Variants in CSMD1 observed in about 807,000 individuals in gnomAD.
CSMD1 encodes CUB and Sushi multiple domains 1, also known as CUB and sushi domain-containing protein 1.
CSMD1 carries 213 observed loss-of-function variants against 417.5 expected under a neutral mutation model. That is an observed-to-expected ratio of 0.51 (90% confidence interval 0.46 to 0.57). CSMD1 has a LOEUF of 0.57. Among genes scored for constraint, CSMD1 ranks in the 20% least tolerant of loss-of-function variants. The pLI is 0.00. For synonymous variants in CSMD1, 2,862 were observed against 1,736.8 expected, an observed-to-expected ratio of 1.65 and a Z score of -16.11; for missense variants, 6,923 against 4,529.7, an observed-to-expected ratio of 1.53 and a Z score of -15.17.
At chr8:3,313,049 A>T (rs1805474249) in intron 23 of CSMD1, among the ~76,000 whole-genome samples, 1 of 152,244 alleles carries the variant, frequency 6.6e-6, no homozygotes, top group African/African-American at 2.4e-5. Context: ...TTCTGAAATG[A>T]CAACATAAAA....
At chr8:4,177,028 G>A (rs182184856) in intron 3 of CSMD1, among the ~76,000 whole-genome samples, 1 of 152,034 alleles carries the variant, frequency 6.6e-6, no homozygotes, top group Non-Finnish European at 1.5e-5. Context: ...CAACGAGACA[G>A]AAAGTCAACA....
intron 40 of CSMD1, among the ~76,000 whole-genome samples, chr8:3,149,019 C>G (rs964465935): frequency 3.3e-5 from 5 of 152,142 alleles, no homozygotes; most frequent in Non-Finnish European, 5.9e-5. Flanking sequence ...AACCCTCAGG[C>G]TATGCAATAT....
At chr8:4,791,838 C>A (rs535296175) in intron 1 of CSMD1, among the ~76,000 whole-genome samples, 1 of 152,064 alleles carries the variant, frequency 6.6e-6, no homozygotes, top group African/African-American at 2.4e-5. Context: ...AAAATTCCAA[C>A]AGATATACTT....
chr8:4,312,401 A>G lies in CSMD1; in HGVS notation c.415+107552T>C, dbSNP rs1380435692. On this transcript the variant is annotated intron_variant, in intron 3 of 69. Coordinates refer to ENST00000635120, the MANE Select transcript of CSMD1 (RefSeq NM_033225.6). ...AATATATATATATATATACATACAT[A>G]TATATGCGTGTATATATATGCGCGT... Among the ~76,000 whole-genome samples the G allele has an allele frequency of 2.2e-5, 3 of 137,430 alleles. 1 individual carries two copies. Among genetic ancestry groups the G allele is most frequent in the Non-Finnish European group, 4.5e-5 (3 of 66,704 alleles). 90.2% of individuals were successfully genotyped at this position (137,430 alleles called of 152,430 possible).
chr8:4,638,294 G>C (rs1272623791), intron 1 of CSMD1, among the ~76,000 whole-genome samples: 1 of 152,036 alleles, frequency 6.6e-6, no homozygotes, highest in Non-Finnish European at 1.5e-5. Flanking sequence ...TACACACCTA[G>C]CCACATAACT....
intron 3 of CSMD1, among the ~76,000 whole-genome samples, chr8:4,227,258 C>G (rs949573736): frequency 1.3e-5 from 2 of 152,104 alleles, no homozygotes; most frequent in African/African-American, 4.8e-5. Flanking sequence ...GCAACATGGA[C>G]GAGCAAGATG....
At chr8:3,348,993 C>T (rs779590476) in intron 21 of CSMD1, among the ~76,000 whole-genome samples, 2 of 152,212 alleles carry the variant, frequency 1.3e-5, no homozygotes, top group Admixed American at 1.3e-4. Flanking sequence ...TACGGGTGCA[C>T]ACACACACAG....
At chr8:4,040,538 G>T (rs1339887354) in intron 3 of CSMD1, among the ~76,000 whole-genome samples, 4 of 152,202 alleles carry the variant, frequency 2.6e-5, no homozygotes, top group African/African-American at 9.6e-5. Context: ...AAGAGGTGAT[G>T]ATAAAGTGTG....
intron 5 of CSMD1, among the ~76,000 whole-genome samples, chr8:3,930,898 C>A (rs1447118501): frequency 1.3e-5 from 2 of 150,428 alleles, no homozygotes; most frequent in African/African-American, 2.5e-5. Context: ...TAACAAATGT[C>A]ACAGAAAAAT....
At chr8:4,598,722 C>T (rs1421463159) in intron 2 of CSMD1, among the ~76,000 whole-genome samples, 1 of 152,114 alleles carries the variant, frequency 6.6e-6, no homozygotes, top group Non-Finnish European at 1.5e-5. Context: ...AGTGTGGGTA[C>T]TGGTACTCAG....
chr8:3,736,640 C>T (rs566870917), intron 6 of CSMD1, among the ~76,000 whole-genome samples: 13 of 152,286 alleles, frequency 8.5e-5, no homozygotes, highest in African/African-American at 2.9e-4. Flanking sequence ...TTCTCATGCC[C>T]CAGGTCTTCC....
intron 5 of CSMD1, among the ~76,000 whole-genome samples, chr8:3,864,753 C>T (rs372396691): frequency 6.6e-6 from 1 of 152,272 alleles, no homozygotes; most frequent in East Asian, 1.9e-4. Flanking sequence ...GTAAATTAAA[C>T]TATAGGCACC....
chr8:4,154,666 T>C (rs1796739087), intron 3 of CSMD1, among the ~76,000 whole-genome samples: 3 of 152,218 alleles, frequency 2.0e-5, no homozygotes, highest in Non-Finnish European at 4.4e-5. Context: ...AGTCCCTTAG[T>C]TGATAACCTG....
chr8:3,251,018 G>A (rs1354169740), intron 26 of CSMD1, among the ~76,000 whole-genome samples: 1 of 152,146 alleles, frequency 6.6e-6, no homozygotes, highest in Admixed American at 6.5e-5. Flanking sequence ...TAGGTTGCCT[G>A]TTCACTCTGA....
chr8:3,615,278 C>G (rs530659086), intron 8 of CSMD1, among the ~76,000 whole-genome samples: 1 of 152,134 alleles, frequency 6.6e-6, no homozygotes, highest in Non-Finnish European at 1.5e-5. Flanking sequence ...CTTGTCAGTA[C>G]AGTTTGTGCC....
chr8:4,148,987 G>A (rs1231641774), intron 3 of CSMD1, among the ~76,000 whole-genome samples: 2 of 149,432 alleles, frequency 1.3e-5, no homozygotes. Flanking sequence ...TTTTGAGATG[G>A]AGTTTCACTC....
At chr8:4,277,804 G>A (rs1796569506) in intron 3 of CSMD1, among the ~76,000 whole-genome samples, 1 of 152,230 alleles carries the variant, frequency 6.6e-6, no homozygotes, top group East Asian at 1.9e-4. Context: ...CTGGAGTGCA[G>A]TCGTATAATC....
At chr8:4,489,737 G>C (rs749430738) in intron 2 of CSMD1, among the ~76,000 whole-genome samples, 2 of 152,206 alleles carry the variant, frequency 1.3e-5, no homozygotes, top group Admixed American at 1.3e-4. Flanking sequence ...TGGCAGGGAA[G>C]AAGCAGCTGC....
At chr8:3,061,768 GC>G (rs1375556290) in intron 49 of CSMD1, among the ~76,000 whole-genome samples, 1 of 152,064 alleles carries the variant, frequency 6.6e-6, no homozygotes, top group East Asian at 1.9e-4. Context: ...CAAATTCCCT[GC>G]CATTGTGAAA....
Sources: gnomAD v4.1 joint callset for allele counts (sites outside exome capture counted in the v4.1 genomes callset) on GRCh38, gnomAD v4.1.1 for gene constraint, MANE v1.5 for transcripts, NCBI Gene and HGNC (gene_info 2026-07-23, HGNC 2026-07-21) for gene names.